CA10: variants seen among roughly 807,000 people sequenced by gnomAD.
CA10 encodes carbonic anhydrase 10 (inactive), also known as carbonic anhydrase-related protein 10.
CA10 carries 14 observed loss-of-function variants against 44.2 expected under a neutral mutation model. The observed-to-expected ratio is 0.32, with a 90% CI of 0.21 to 0.50. CA10 has a LOEUF of 0.50. Ranked by LOEUF, CA10 falls within the 20% of genes least tolerant of loss-of-function variation. The probability of loss-of-function intolerance (pLI) is 0.99; values close to 1 mark genes in which losing one functional copy is unlikely to be tolerated. For synonymous variants in CA10, 159 were observed against 141.6 expected, an observed-to-expected ratio of 1.12 and a Z score of -0.87; for missense variants, 350 against 409.7, an observed-to-expected ratio of 0.85 and a Z score of 1.26.
chr17:51,960,245 A>G (rs545901254), intron 2 of CA10, among the ~76,000 whole-genome samples: 1 of 152,220 alleles, frequency 6.6e-6, no homozygotes, highest in South Asian at 2.1e-4. Context: ...GAAAACACAA[A>G]TAAAAAAATA....
chr17:51,975,692 A>G (rs2144077830), intron 2 of CA10, among the ~76,000 whole-genome samples: 1 of 152,216 alleles, frequency 6.6e-6, no homozygotes, highest in Middle Eastern at 3.4e-3. Flanking sequence ...CAAATGAATG[A>G]ATAAATAAAT....
At chr17:51,667,568 C>CAAAAAAATAAAAATAAAAAAAA (rs1914254296) in intron 4 of CA10, among the ~76,000 whole-genome samples, 1 of 146,084 alleles carries the variant, frequency 6.8e-6, no homozygotes. Flanking sequence ...GCTGAGCAAG[C>CAAAAAAATAAAAATAAAAAAAA]AAAAAAAAAA....
At chr17:52,139,057 T>C (rs1341313963) in intron 1 of CA10, among the ~76,000 whole-genome samples, 1 of 152,184 alleles carries the variant, frequency 6.6e-6, no homozygotes, top group African/African-American at 2.4e-5. Context: ...TCATTCAAAC[T>C]AGGAGTTGGT....
At chr17:51,898,800 G>T (rs11652031) in intron 3 of CA10, among the ~76,000 whole-genome samples, 14,948 of 151,854 alleles carry the variant, frequency 0.098, 918 homozygotes, top group African/African-American at 0.18. Flanking sequence ...TTCCAGAAAT[G>T]TATCCATTTC....
chr17:51,843,661 C>A (rs990814629), intron 3 of CA10, among the ~76,000 whole-genome samples: 3 of 152,162 alleles, frequency 2.0e-5, no homozygotes, highest in Non-Finnish European at 4.4e-5. Flanking sequence ...CAACCTTTCC[C>A]TACAGCAATA....
At chr17:51,799,247 G>C (rs1255837245) in intron 3 of CA10, among the ~76,000 whole-genome samples, 1 of 152,150 alleles carries the variant, frequency 6.6e-6, no homozygotes, top group Non-Finnish European at 1.5e-5. Context: ...CCTTAACAAT[G>C]CTGCAAAATA....
chr17:52,048,253 A>G (rs1168089953), intron 2 of CA10, among the ~76,000 whole-genome samples: 1 of 151,992 alleles, frequency 6.6e-6, no homozygotes, highest in Non-Finnish European at 1.5e-5. Context: ...ATACAAATGC[A>G]TCTGGGAAGC....
At chr17:51,881,863 A>C (rs1980391090) in intron 3 of CA10, among the ~76,000 whole-genome samples, 1 of 152,214 alleles carries the variant, frequency 6.6e-6, no homozygotes, top group Admixed American at 6.5e-5. Context: ...GGCAGAACCC[A>C]TCTAAACTAC....
At chr17:52,143,274 C>A (rs1188079300) in intron 1 of CA10, among the ~76,000 whole-genome samples, 2 of 151,912 alleles carry the variant, frequency 1.3e-5, no homozygotes, top group African/African-American at 4.8e-5. Context: ...GAACACAAAC[C>A]ATATATTTAT....
chr17:52,003,969 T>C (rs1261359410), intron 2 of CA10, among the ~76,000 whole-genome samples: 1 of 150,736 alleles, frequency 6.6e-6, no homozygotes, highest in African/African-American at 2.4e-5. Context: ...ACACAACACA[T>C]AATAAGTATC....
intron 2 of CA10, among the ~76,000 whole-genome samples, chr17:52,055,335 A>G (rs1014329042): frequency 8.3e-6 from 1 of 120,918 alleles, no homozygotes; most frequent in Non-Finnish European, 1.7e-5. Context: ...TCACTCATAT[A>G]TCCTTCTGGT....
chr17:51,799,101 G>A (rs9905983), intron 3 of CA10, among the ~76,000 whole-genome samples: 7,079 of 152,198 alleles, frequency 0.047, 413 homozygotes, highest in African/African-American at 0.14. Flanking sequence ...AATGTCTTTT[G>A]CAACACAGCA....
chr17:51,724,524 C>A (rs923187884), intron 4 of CA10, among the ~76,000 whole-genome samples: 3 of 152,208 alleles, frequency 2.0e-5, no homozygotes, highest in African/African-American at 7.2e-5. Context: ...TCTGTCTTTG[C>A]TTAATAAAAC....
chr17:51,952,685 G>GT (rs1453587884), intron 2 of CA10, among the ~76,000 whole-genome samples: 2 of 152,144 alleles, frequency 1.3e-5, no homozygotes, highest in Non-Finnish European at 2.9e-5. Flanking sequence ...CAGCTCTTTT[G>GT]TTTTTTAGTG....
intron 3 of CA10, among the ~76,000 whole-genome samples, chr17:51,797,804 T>C (rs776801023): frequency 4.4e-5 from 6 of 135,638 alleles, no homozygotes; most frequent in African/African-American, 1.1e-4. Context: ...TGAGCGGAGA[T>C]TGCGCCACTG....
At chr17:51,821,136 T>TC (rs1164258379) in intron 3 of CA10, among the ~76,000 whole-genome samples, 1 of 81,896 alleles carries the variant, frequency 1.2e-5, no homozygotes, top group African/African-American at 4.7e-5. Flanking sequence ...CCTCCCTCCC[T>TC]CCCTCCCAAT....
intron 3 of CA10, among the ~76,000 whole-genome samples, chr17:51,782,842 C>G (rs755289828): frequency 6.6e-6 from 1 of 152,196 alleles, no homozygotes; most frequent in Non-Finnish European, 1.5e-5. Flanking sequence ...CTTGACCCAG[C>G]AGTGGTAGAG....
intron 3 of CA10, among the ~76,000 whole-genome samples, chr17:51,768,520 A>G (rs1905474705): frequency 6.6e-6 from 1 of 152,198 alleles, no homozygotes; most frequent in Non-Finnish European, 1.5e-5. Flanking sequence ...TCAACTTTCA[A>G]TAAGGCAAGC....
rs550624504 is a variant in CA10 at position 51,822,417 on chromosome 17, A to C, written c.280-74599T>G. ...GTGACAGAGCAAGACTTTGTCTCAA[A>C]AAAACAAAACAAAAACAAAAACAAA... is the stretch of plus-strand genomic sequence containing the variant. On this transcript the variant is annotated intron_variant, in intron 3 of 8. Transcript: ENST00000451037. 7.0e-4 allele frequency among the ~76,000 whole-genome samples: 105 copies of C among 149,272 alleles called. 1 individual carries two copies. Among genetic ancestry groups the C allele is most frequent in the African/African-American group, 2.6e-3 (100 of 38,988 alleles).
Sources: allele counts gnomAD v4.1 joint callset (sites outside exome capture counted in the v4.1 genomes callset), GRCh38; gene constraint gnomAD v4.1.1; transcripts MANE v1.5; gene names NCBI Gene and HGNC (gene_info 2026-07-23, HGNC 2026-07-21).